Variants in PLCE1 observed in about 807,000 individuals in gnomAD.
The protein encoded by PLCE1 is 1-phosphatidylinositol 4,5-bisphosphate phosphodiesterase epsilon-1.
A neutral mutation model predicts 242.8 loss-of-function variants in PLCE1; 119 were observed. The observed-to-expected ratio is 0.49, with a 90% CI of 0.42 to 0.57. The LOEUF is 0.57. Ranked by LOEUF, PLCE1 falls within the 20% of genes least tolerant of loss-of-function variation. PLCE1 has a pLI of 0.00. For missense variants in PLCE1, 2,441 were observed against 2,788.8 expected, an observed-to-expected ratio of 0.88 and a Z score of 2.81; for synonymous variants, 945 against 1,017.4, an observed-to-expected ratio of 0.93 and a Z score of 1.35.
Position 94,031,306 on chromosome 10 carries a change from A to G in PLCE1, c.260A>G (p.Asn87Ser). ...AAAATAGTGAGTGATGAGAACAGTA[A>G]TGAAAAATGTTGGGAGAAAATCATG... Reference protein sequence around the residue: ...REKIVSDENSNEKCWEKIMPD... With the variant: ...REKIVSDENSSEKCWEKIMPD... The change falls in exon 2 of 33, where the codon AAT (asparagine) becomes AGT (serine). Residue 87 changes from asparagine (N) to serine (S), a missense_variant. Asn to Ser is a conservative substitution (Grantham distance 46). Transcript: ENST00000371380. 2 of 1,613,884 alleles carry G rather than the reference A, an allele frequency of 1.2e-6. No individual in the cohort carries two copies. The highest frequency in any genetic ancestry group is 1.3e-5 in the African/African-American group (1 of 75,036).
chr10:94,283,437 A>C, intron 20 of PLCE1: 1 of 302,030 alleles, frequency 3.3e-6, no homozygotes, highest in Non-Finnish European at 6.4e-6. Context: ...GTGTGCTGTC[A>C]GCTTCTTGAC....
intron 3 of PLCE1, among the ~76,000 whole-genome samples, chr10:94,154,867 C>T (rs2047379772): frequency 6.7e-6 from 1 of 149,172 alleles, no homozygotes; most frequent in African/African-American, 2.5e-5. Flanking sequence ...GGCAAGACCC[C>T]TGTCTCTATT....
intron 1 of PLCE1, among the ~76,000 whole-genome samples, chr10:94,014,002 C>A (rs1464783623): frequency 6.6e-6 from 1 of 152,076 alleles, no homozygotes; most frequent in African/African-American, 2.4e-5. Context: ...TCACGGTGGG[C>A]AGGCAGGGGA....
intron 24 of PLCE1, among the ~76,000 whole-genome samples, chr10:94,299,685 G>A (rs978152855): frequency 2.0e-5 from 3 of 152,216 alleles, no homozygotes; most frequent in African/African-American, 7.2e-5. Flanking sequence ...CTCCAGCTGA[G>A]GTCAAACCAC....
intron 24 of PLCE1, among the ~76,000 whole-genome samples, chr10:94,300,589 T>C (rs2052998355): frequency 6.6e-6 from 1 of 152,198 alleles, no homozygotes; most frequent in Admixed American, 6.5e-5. Context: ...TTCTGCAAAC[T>C]GGGGGTACAG....
chr10:94,009,502 A>G (rs751863795), intron 1 of PLCE1, among the ~76,000 whole-genome samples: 5 of 152,160 alleles, frequency 3.3e-5, no homozygotes, highest in Admixed American at 6.5e-5. Flanking sequence ...GCAAAATACA[A>G]TCATCCCTTC....
At chr10:94,189,396 T>G (rs192850658) in intron 4 of PLCE1, among the ~76,000 whole-genome samples, 5 of 151,956 alleles carry the variant, frequency 3.3e-5, no homozygotes, top group Admixed American at 6.6e-5. Context: ...TTGACATACA[T>G]TCTAGTATCC....
At chr10:94,253,961 C>T (rs746843397) in intron 9 of PLCE1, among the ~76,000 whole-genome samples, 2 of 152,186 alleles carry the variant, frequency 1.3e-5, no homozygotes, top group Non-Finnish European at 2.9e-5. Flanking sequence ...GGTTCTGTGC[C>T]GCCTCTTGTC....
In PLCE1 at chr10:94,002,954, G is replaced by C. The variant is rs151039568; in HGVS notation, c.-365+8696G>C. Among the ~76,000 whole-genome samples the C allele has an allele frequency of 9.5e-4, 145 of 152,320 alleles. 1 individual carries two copies. Among genetic ancestry groups the C allele is most frequent in the Non-Finnish European group, 1.8e-3 (120 of 68,032 alleles). On this transcript the variant is annotated intron_variant, in intron 1 of 32. Transcript: ENST00000371380. The stretch of plus-strand genomic sequence containing the variant: ...TAGAGTTTATTTGAGCACAAAGCTT[G>C]CAGATGACCACTCGAGGAATACCAG...
At chr10:94,030,209 T>C (rs1331798181) in intron 1 of PLCE1, among the ~76,000 whole-genome samples, 1 of 152,176 alleles carries the variant, frequency 6.6e-6, no homozygotes, top group Non-Finnish European at 1.5e-5. Context: ...CTTTGCTTAA[T>C]GTGCCTTATT....
At chr10:94,170,144 C>T (rs975666574) in intron 3 of PLCE1, among the ~76,000 whole-genome samples, 12 of 152,252 alleles carry the variant, frequency 7.9e-5, no homozygotes, top group African/African-American at 2.9e-4. Flanking sequence ...GTCATCCTTA[C>T]GAACTTTGCT....
rs33974566 is a variant in PLCE1 at position 94,110,058 on chromosome 10, C to CTTTTTTTTTTTTTT, written c.1207-22107_1207-22094dup. Reference sequence around the variant, plus strand: ...AGACCCTTTCCTTTTTTTCTTTTTTCTTTTTTTTTTTTTTTTTTTTTTGAG... The same window carrying CTTTTTTTTTTTTTT: ...AGACCCTTTCCTTTTTTTCTTTTTTCTTTTTTTTTTTTTTTTTTTTTTTTTTTTTTTTTTTTGAG... On this transcript the variant is annotated intron_variant, in intron 2 of 32. Transcript: ENST00000371380. 4.6e-4 allele frequency among the ~76,000 whole-genome samples: 35 copies of CTTTTTTTTTTTTTT among 75,890 alleles called. 3 individuals carry two copies. Among genetic ancestry groups the CTTTTTTTTTTTTTT allele is most frequent in the East Asian group, 8.8e-4 (2 of 2,264 alleles). The allele number at this position is 75,890 out of a possible 152,430, so 49.8% of individuals were successfully genotyped here.
intron 8 of PLCE1, among the ~76,000 whole-genome samples, chr10:94,248,860 T>C (rs998071430): frequency 6.6e-6 from 1 of 152,210 alleles, no homozygotes; most frequent in Non-Finnish European, 1.5e-5. Context: ...GCTTATAGCA[T>C]AGGTAACTGA....
chr10:94,000,876 A>G (rs141346795), intron 1 of PLCE1, among the ~76,000 whole-genome samples: 69 of 152,284 alleles, frequency 4.5e-4, no homozygotes, highest in Admixed American at 1.3e-3. Context: ...TTCAGGACCT[A>G]TGAGACATTT....
chr10:94,312,019 T>C (rs2053401255), intron 27 of PLCE1, among the ~76,000 whole-genome samples: 1 of 152,194 alleles, frequency 6.6e-6, no homozygotes, highest in African/African-American at 2.4e-5. Context: ...CTCTAGCTGC[T>C]TGTTGCCTTG....
intron 23 of PLCE1, among the ~76,000 whole-genome samples, chr10:94,294,154 A>T (rs1177980098): frequency 6.6e-6 from 1 of 152,142 alleles, no homozygotes; most frequent in Non-Finnish European, 1.5e-5. Context: ...TTCACTGAAG[A>T]TGTTTGAACA....
rs60764243 is a variant in PLCE1 at position 94,223,233 on chromosome 10, CAAA to C, written c.1810-4056_1810-4054del. 5.8e-4 allele frequency among the ~76,000 whole-genome samples: 53 copies of C among 90,872 alleles called. 1 individual carries two copies. The highest frequency in any genetic ancestry group is 1.8e-3 in the Admixed American group (13 of 7,424). 59.6% of individuals were successfully genotyped at this position (90,872 alleles called of 152,430 possible). A position where few individuals can be genotyped will look rare whatever the true frequency, so the allele number is the denominator to read the frequency against. On this transcript the variant is annotated intron_variant, in intron 4 of 32. Transcript: ENST00000371380. ...GCAACATAGTGATACTCCATCTCTA[CAAA>C]AAAAAAAAAAAAAAAATTGAATCTG...
At position 94,089,211 on chromosome 10, in the gene PLCE1, C is replaced by A. The variant is rs753587425; in HGVS notation, c.1207-42963C>A. The A allele has an allele frequency of 1.9e-6, 3 of 1,613,928 alleles. No individual in the cohort carries two copies. The African/African-American group carries it at 4.0e-5, about 22-fold the overall frequency. On this transcript the variant is annotated intron_variant, in intron 2 of 32. Coordinates refer to ENST00000371380, the MANE Select transcript of PLCE1 (RefSeq NM_016341.4). ...TTTGGCACCAGGCTTGGTTTCTGTG[C>A]AGCCTCTTAGGCAGAGAGCCCCAGG...
chr10:94,036,632 C>G (rs2061669473), intron 2 of PLCE1, among the ~76,000 whole-genome samples: 1 of 152,162 alleles, frequency 6.6e-6, no homozygotes, highest in African/African-American at 2.4e-5. Flanking sequence ...TACTCCCTCT[C>G]TCCTGCTCTG....
Sources: allele counts gnomAD v4.1 joint callset (sites outside exome capture counted in the v4.1 genomes callset), GRCh38; gene constraint gnomAD v4.1.1; transcripts MANE v1.5; gene names NCBI Gene and HGNC (gene_info 2026-07-23, HGNC 2026-07-21).